Variants in ABHD6 observed in about 807,000 individuals in gnomAD.
ABHD6 encodes the protein monoacylglycerol lipase ABHD6.
Under a neutral mutation model 38.8 loss-of-function variants are expected in ABHD6, and 33 were observed. The ratio of observed to expected loss-of-function variants is 0.85; its 90% CI spans 0.64 to 1.14. The LOEUF (loss-of-function observed/expected upper bound fraction) is 1.14, where lower values mean the gene tolerates loss of function less well. ABHD6 is among the 50% of genes most tolerant of loss of function. ABHD6 has a pLI of 0.00. For missense variants in ABHD6, 380 were observed against 422.6 expected (o/e 0.90, Z 0.88); for synonymous variants, 147 against 161.6 (o/e 0.91, Z 0.69).
Position 58,238,629 on chromosome 3 carries a change from C to A in ABHD6, c.-91+713C>A. The stretch of plus-strand genomic sequence containing the variant: ...CACGTGCAGGGTTTGCGCCCCTGAG[C>A]CCACAGCGAGGCCAGGTGACAGAGT... On this transcript the variant is annotated intron_variant, in intron 1 of 9. Transcript: ENST00000478253. This position sits in a 1 kb window ranked among gnomAD's most constrained non-coding sequence, Gnocchi z 6.9. 6.5e-6 allele frequency: 1 copy of A among 153,776 alleles called. No homozygotes were observed. The highest frequency in any genetic ancestry group is 1.4e-5 in the Non-Finnish European group (1 of 69,246). The allele number at this position is 153,776 out of a possible 1,614,324, so 9.5% of individuals were successfully genotyped here. A position where few individuals can be genotyped will look rare whatever the true frequency, so the allele number is the denominator to read the frequency against.
intron 2 of ABHD6, among the ~76,000 whole-genome samples, chr3:58,253,369 A>C (rs1231928633): frequency 6.6e-6 from 1 of 152,194 alleles, no homozygotes; most frequent in African/African-American, 2.4e-5. Flanking sequence ...CAAAGCTGAC[A>C]GTTCCCATCT....
At chr3:58,272,848 T>C (rs1351507959) in intron 6 of ABHD6, among the ~76,000 whole-genome samples, 1 of 152,166 alleles carries the variant, frequency 6.6e-6, no homozygotes, top group Non-Finnish European at 1.5e-5. Flanking sequence ...TTGAAATAAT[T>C]TTTAATTTAC....
intron 1 of ABHD6, among the ~76,000 whole-genome samples, chr3:58,246,168 A>G (rs951914723): frequency 9.2e-5 from 14 of 152,194 alleles, no homozygotes; most frequent in African/African-American, 3.1e-4. Context: ...CCTTAAACGT[A>G]AAGGGTCAAG....
Position 58,287,495 on chromosome 3 carries a change from A to ATGG in ABHD6, c.837+2045_837+2047dup. On this transcript the variant is annotated intron_variant, in intron 9 of 9. Coordinates refer to ENST00000478253, the MANE Select transcript of ABHD6 (RefSeq NM_001320126.2). This position sits in a 1 kb window ranked among gnomAD's most constrained non-coding sequence, Gnocchi z 4.7. ...CAATGGTGTCTTAGATGAGCCAGGC[A>ATGG]TGGTGAGGATTCACAGCATGGTTTT... 2.6e-5 allele frequency among the ~76,000 whole-genome samples: 4 copies of ATGG among 152,328 alleles called. No individual in the cohort carries two copies. In the East Asian group the frequency reaches 5.8e-4, roughly 22 times the overall value.
At position 58,267,160 on chromosome 3, in the gene ABHD6, GTT is replaced by G; in HGVS notation, c.120-26_120-25del. 1 of 1,611,292 alleles carries G rather than the reference GTT, an allele frequency of 6.2e-7. No individual in the cohort carries two copies. Among genetic ancestry groups the G allele is most frequent in the South Asian group, 1.1e-5 (1 of 90,924 alleles). The stretch of plus-strand genomic sequence containing the variant: ...CACTCATCTAGAGCTTACTGATTTC[GTT>G]TTGTCTTTATTTCTCACCCCTTCCA... On this transcript the variant is annotated intron_variant, in intron 3 of 9. Coordinates refer to ENST00000478253, the MANE Select transcript of ABHD6 (RefSeq NM_001320126.2). This position sits in a 1 kb window ranked among gnomAD's most constrained non-coding sequence, Gnocchi z 4.3.
At position 58,267,201 on chromosome 3, in the gene ABHD6, G is replaced by A. The variant is rs778429434; in HGVS notation, c.132G>A (p.Arg44=). ...TCACCCCTTCCAGGTACTGGCGGAG[G>A]ACATTGGGCATGCAAGTCCGCTATG... The part of the protein sequence containing the change: ...LIRIYYWYWR[R]TLGMQVRYVH... The change falls in exon 4 of 10, where the codon AGG becomes AGA. Residue 44 remains arginine (R), a synonymous_variant. Transcript: ENST00000478253. The surrounding 1 kb of genome is among the most constrained non-coding windows in gnomAD (Gnocchi z 4.3). The A allele has an allele frequency of 6.2e-7, 1 of 1,614,082 alleles. No individual in the cohort carries two copies. Among genetic ancestry groups the A allele is most frequent in the East Asian group, 2.2e-5 (1 of 44,882 alleles).
chr3:58,285,448 G>GA lies in ABHD6; in HGVS notation c.833dup (p.Asp278GlufsTer137). ...GACGCAGATCATCTGGGGGAAACAA[G>GA]ACCAGGTATGTAACACATCCCCGCG... On this transcript the variant is annotated frameshift_variant, in exon 9 of 10. Coordinates refer to ENST00000478253, the MANE Select transcript of ABHD6 (RefSeq NM_001320126.2). LOFTEE classifies it high-confidence loss of function. The surrounding 1 kb of genome is among the most constrained non-coding windows in gnomAD (Gnocchi z 4.9). 6.2e-7 allele frequency: 1 copy of GA among 1,613,818 alleles called. No homozygotes were observed. The highest frequency in any genetic ancestry group is 8.5e-7 in the Non-Finnish European group (1 of 1,179,696).
rs1402739892 is a variant in ABHD6, at chr3:58,266,550, A to G, written c.120-639A>G. On this transcript the variant is annotated intron_variant, in intron 3 of 9. Transcript: ENST00000478253. The surrounding 1 kb of genome is among the most constrained non-coding windows in gnomAD (Gnocchi z 4.0). ...ATATATCTTCTCTCCCTCTCTGCTT[A>G]TTTTACACAAAGAGTTAAGACCAGT... 2.0e-5 allele frequency among the ~76,000 whole-genome samples: 3 copies of G among 151,582 alleles called. No individual in the cohort carries two copies. Among genetic ancestry groups the G allele is most frequent in the African/African-American group, 7.3e-5 (3 of 41,266 alleles).
At chr3:58,254,498 T>C (rs940891343) in intron 2 of ABHD6, among the ~76,000 whole-genome samples, 9 of 152,186 alleles carry the variant, frequency 5.9e-5, no homozygotes, top group African/African-American at 1.9e-4. Flanking sequence ...CCCTTGTGCT[T>C]AGTGGTCGAG....
chr3:58,257,413 A>G lies in ABHD6; in HGVS notation c.119+708A>G, dbSNP rs1191062853. Among the ~76,000 whole-genome samples the G allele has an allele frequency of 6.6e-6, 1 of 150,902 alleles. No individual in the cohort carries two copies. The highest frequency in any genetic ancestry group is 2.4e-5 in the African/African-American group (1 of 40,952). On this transcript the variant is annotated intron_variant, in intron 3 of 9. Transcript: ENST00000478253. This position sits in a 1 kb window ranked among gnomAD's most constrained non-coding sequence, Gnocchi z 4.8. ...AGTCTCCCTCTGTCACCTAGGCTGG[A>G]GTGCAGTGGTGTCATCTCGGCTCAC...
Position 58,256,525 on chromosome 3 carries a change from A to T in ABHD6, c.-25-37A>T. On this transcript the variant is annotated intron_variant, in intron 2 of 9. Transcript: ENST00000478253. The surrounding 1 kb of genome is among the most constrained non-coding windows in gnomAD (Gnocchi z 4.3). ...TTCTTCGCCTTTTTTCCTTTGATAC[A>T]GAGTTTTAATATCGTCATTCTCTTT... 6 of 1,244,590 alleles carry T rather than the reference A, an allele frequency of 4.8e-6. No individual in the cohort carries two copies. Among genetic ancestry groups the T allele is most frequent in the Non-Finnish European group, 6.9e-6 (6 of 869,004 alleles). 77.1% of individuals were successfully genotyped at this position (1,244,590 alleles called of 1,614,324 possible). A position where few individuals can be genotyped will look rare whatever the true frequency, so the allele number is the denominator to read the frequency against.
In ABHD6 at chr3:58,266,683, A is replaced by C. The variant is rs898925467; in HGVS notation, c.120-506A>C. Among the ~76,000 whole-genome samples, 22 of 152,168 alleles carry C rather than the reference A, an allele frequency of 1.4e-4. No homozygotes were observed. Among genetic ancestry groups the C allele is most frequent in the South Asian group, 4.1e-4 (2 of 4,836 alleles). On this transcript the variant is annotated intron_variant, in intron 3 of 9. Coordinates refer to ENST00000478253, the MANE Select transcript of ABHD6 (RefSeq NM_001320126.2). This position sits in a 1 kb window ranked among gnomAD's most constrained non-coding sequence, Gnocchi z 4.0. ...ATTATCTCTCATCTTGGAGGGATTC[A>C]CCATGCAGAGAGTTCAATTTGTTTA...
intron 1 of ABHD6, among the ~76,000 whole-genome samples, chr3:58,243,617 A>G (rs562994784): frequency 1.3e-5 from 2 of 151,944 alleles, no homozygotes; most frequent in Non-Finnish European, 2.9e-5. Flanking sequence ...AAGTGTATCT[A>G]GTATCTGATT....
chr3:58,262,694 A>G (rs975614847), intron 3 of ABHD6, among the ~76,000 whole-genome samples: 2 of 152,156 alleles, frequency 1.3e-5, no homozygotes, highest in East Asian at 1.9e-4. Flanking sequence ...CATCTGGGCC[A>G]TGGGTCTTTC....
At chr3:58,281,779 A>T (rs1051599504) in intron 7 of ABHD6, among the ~76,000 whole-genome samples, 2 of 152,182 alleles carry the variant, frequency 1.3e-5, no homozygotes, top group African/African-American at 2.4e-5. Flanking sequence ...AAGGGTTTTT[A>T]TTTATAGGGG....
chr3:58,243,710 G>A (rs1159485795), intron 1 of ABHD6, among the ~76,000 whole-genome samples: 2 of 151,950 alleles, frequency 1.3e-5, no homozygotes, highest in African/African-American at 4.8e-5. Flanking sequence ...GCCCAGGCTG[G>A]AGCGCAGTGG....
At position 58,267,152 on chromosome 3, in the gene ABHD6, C is replaced by G. The variant is rs2097441570; in HGVS notation, c.120-37C>G. 1 of 1,609,388 alleles carries G rather than the reference C, an allele frequency of 6.2e-7. No individual in the cohort carries two copies. Among genetic ancestry groups the G allele is most frequent in the Admixed American group, 1.7e-5 (1 of 59,550 alleles). ...CTTGAAGCCACTCATCTAGAGCTTA[C>G]TGATTTCGTTTTGTCTTTATTTCTC... On this transcript the variant is annotated intron_variant, in intron 3 of 9. Coordinates refer to ENST00000478253, the MANE Select transcript of ABHD6 (RefSeq NM_001320126.2). This position sits in a 1 kb window ranked among gnomAD's most constrained non-coding sequence, Gnocchi z 4.3.
rs2097443516 is a variant in ABHD6 at position 58,269,783 on chromosome 3, G to C, written c.390+349G>C. ...ATATGATAACAGTAATAGCCCCTCT[G>C]CCTAGCTGGGGAGGGTGTTCTTCAC... On this transcript the variant is annotated intron_variant, in intron 5 of 9. Coordinates refer to ENST00000478253, the MANE Select transcript of ABHD6 (RefSeq NM_001320126.2). This position sits in a 1 kb window ranked among gnomAD's most constrained non-coding sequence, Gnocchi z 4.4. Among the ~76,000 whole-genome samples, 1 of 152,200 alleles carries C rather than the reference G, an allele frequency of 6.6e-6. No individual in the cohort carries two copies. Among genetic ancestry groups the C allele is most frequent in the Non-Finnish European group, 1.5e-5 (1 of 68,042 alleles).
rs780341808 is a variant in ABHD6 at position 58,274,795 on chromosome 3, C to T, written c.661C>T (p.Arg221Cys). Residue 221 changes from arginine (R) to cysteine (C), a missense_variant, in exon 7 of 10, where the codon CGC becomes TGC. By Grantham distance (180) the Arg-to-Cys change is radical. Coordinates refer to ENST00000478253, the MANE Select transcript of ABHD6 (RefSeq NM_001320126.2). Reference sequence around the variant, plus strand: ...AATGCTTCAGCTCTGCTCCTATGTCCGCTTCAAGGTGCCCCAGCAGGTAAC... The same window carrying T: ...AATGCTTCAGCTCTGCTCCTATGTCTGCTTCAAGGTGCCCCAGCAGGTAAC... ...SEMLQLCSYV[R>C]FKVPQQILQG... 6.2e-6 allele frequency: 10 copies of T among 1,614,024 alleles called. 1 individual carries two copies. In the Admixed American group the frequency reaches 8.3e-5, roughly 13 times the overall value.
Sources: gnomAD v4.1 joint callset for allele counts (sites outside exome capture counted in the v4.1 genomes callset) on GRCh38, gnomAD v4.1.1 for gene constraint, Gnocchi (gnomAD v3.1) non-coding constraint, MANE v1.5 for transcripts, NCBI Gene and HGNC (gene_info 2026-07-23, HGNC 2026-07-21) for gene names.